GRIK1: variants seen among roughly 807,000 people sequenced by gnomAD.
GRIK1 encodes the protein glutamate receptor ionotropic, kainate 1.
In GRIK1, 69 loss-of-function variants were observed where a neutral mutation model predicts 105.7. The ratio of observed to expected loss-of-function variants is 0.65; its 90% CI spans 0.54 to 0.80. The LOEUF (loss-of-function observed/expected upper bound fraction) is 0.80, where lower values mean the gene tolerates loss of function less well. Among genes scored for constraint, GRIK1 ranks in the 30% least tolerant of loss-of-function variants. The pLI, the probability that GRIK1 is intolerant of heterozygous loss-of-function variation, is 0.00. For missense variants in GRIK1, 1,109 were observed against 1,167.3 expected (o/e 0.95, Z 0.73); for synonymous variants, 438 against 431.3 (o/e 1.02, Z -0.19).
At chr21:29,723,767 G>A (rs956574340) in intron 1 of GRIK1, among the ~76,000 whole-genome samples, 2 of 152,146 alleles carry the variant, frequency 1.3e-5, no homozygotes, top group South Asian at 4.2e-4. Flanking sequence ...AAGTACAGGA[G>A]TACATTTTTA....
chr21:29,901,671 A>C, intron 1 of GRIK1, among the ~76,000 whole-genome samples: 1 of 152,330 alleles, frequency 6.6e-6, no homozygotes, highest in East Asian at 1.9e-4. Context: ...CCAACCAAAA[A>C]AAGTCCAGGA....
intron 7 of GRIK1, among the ~76,000 whole-genome samples, chr21:29,620,817 A>C (rs2061980765): frequency 1.0e-5 from 1 of 97,214 alleles, no homozygotes; most frequent in Non-Finnish European, 1.8e-5. Context: ...ATATATATAT[A>C]TAGTAATAAT....
At chr21:29,674,818 G>T (rs2063234776) in intron 3 of GRIK1, among the ~76,000 whole-genome samples, 1 of 152,104 alleles carries the variant, frequency 6.6e-6, no homozygotes. Flanking sequence ...GTTCCTTATA[G>T]CTGTGTGAAA....
chr21:29,600,812 A>G (rs1189091681), intron 7 of GRIK1, among the ~76,000 whole-genome samples: 2 of 152,186 alleles, frequency 1.3e-5, no homozygotes, highest in Non-Finnish European at 2.9e-5. Context: ...GAGTTTGGCT[A>G]TTACTATCTC....
chr21:29,592,149 G>A (rs924477284), intron 9 of GRIK1, among the ~76,000 whole-genome samples: 6 of 152,170 alleles, frequency 3.9e-5, no homozygotes, highest in Non-Finnish European at 7.4e-5. Flanking sequence ...CTTCTTTGAG[G>A]AGCCAAAGCT....
chr21:29,797,814 TACA>T lies in GRIK1; in HGVS notation c.119-103754_119-103752del, dbSNP rs1209565777. Among the ~76,000 whole-genome samples, 9 of 152,288 alleles carry T rather than the reference TACA, an allele frequency of 5.9e-5. 1 individual carries two copies. The South Asian group carries it at 1.0e-3, about 18-fold the overall frequency. On this transcript the variant is annotated intron_variant, in intron 1 of 17. Transcript: ENST00000327783. ...GCCTAGATTTCTTTTATCAAAAAAG[TACA>T]ACGTTTTCTCCCACTAGATGAGGTT...
chr21:29,859,533 A>G (rs892894770), intron 1 of GRIK1, among the ~76,000 whole-genome samples: 1 of 152,186 alleles, frequency 6.6e-6, no homozygotes, highest in Admixed American at 6.5e-5. Context: ...GAAATTTCCA[A>G]GAAGTACTTG....
intron 7 of GRIK1, among the ~76,000 whole-genome samples, chr21:29,604,892 A>G (rs1049648843): frequency 6.6e-6 from 1 of 152,202 alleles, no homozygotes; most frequent in Non-Finnish European, 1.5e-5. Flanking sequence ...TTATTTGTAT[A>G]TTCTTTCTCA....
chr21:29,688,690 A>G (rs1405874819), intron 3 of GRIK1, among the ~76,000 whole-genome samples: 1 of 152,252 alleles, frequency 6.6e-6, no homozygotes, highest in Non-Finnish European at 1.5e-5. Context: ...TATTTGAAAT[A>G]TAACTTGGGA....
chr21:29,588,638 T>G (rs1601194407), intron 11 of GRIK1, among the ~76,000 whole-genome samples: 1 of 152,206 alleles, frequency 6.6e-6, no homozygotes, highest in African/African-American at 2.4e-5. Context: ...AACAAACTAA[T>G]GCACCATATA....
In GRIK1 at chr21:29,772,433, A is replaced by G. The variant is rs145929746; in HGVS notation, c.119-78370T>C. On this transcript the variant is annotated intron_variant, in intron 1 of 17. Coordinates refer to ENST00000327783, the MANE Select transcript of GRIK1 (RefSeq NM_001330994.2). Reference sequence around the variant, plus strand: ...AAGCTAATTTCTAACTTTCCAATACACTAGTGTAAACCATTTCTTACATAC... The same window carrying G: ...AAGCTAATTTCTAACTTTCCAATACGCTAGTGTAAACCATTTCTTACATAC... 2.0e-5 allele frequency among the ~76,000 whole-genome samples: 3 copies of G among 152,336 alleles called. No individual in the cohort carries two copies. In the South Asian group the frequency reaches 6.2e-4, roughly 32 times the overall value.
intron 1 of GRIK1, among the ~76,000 whole-genome samples, chr21:29,844,034 G>A (rs553250163): frequency 1.7e-4 from 26 of 152,280 alleles, no homozygotes; most frequent in African/African-American, 6.0e-4. Flanking sequence ...GACAGCGTGA[G>A]TTGTACTCAC....
At chr21:29,746,384 A>G (rs1354411898) in intron 1 of GRIK1, among the ~76,000 whole-genome samples, 4 of 152,264 alleles carry the variant, frequency 2.6e-5, no homozygotes, top group Admixed American at 6.5e-5. Context: ...GCAAGGACAA[A>G]TACAGATAGT....
intron 1 of GRIK1, among the ~76,000 whole-genome samples, chr21:29,732,013 G>T (rs973472373): frequency 3.3e-5 from 5 of 152,102 alleles, no homozygotes; most frequent in Non-Finnish European, 5.9e-5. Flanking sequence ...GTTCATATTT[G>T]TTATAATAAG....
At chr21:29,538,929 T>A (rs2089925848) in intron 16 of GRIK1, among the ~76,000 whole-genome samples, 2 of 152,214 alleles carry the variant, frequency 1.3e-5, no homozygotes, top group South Asian at 4.1e-4. Flanking sequence ...GAATTTAGGT[T>A]CTAGGTGTAA....
At chr21:29,934,234 T>C (rs944422832) in intron 1 of GRIK1, among the ~76,000 whole-genome samples, 1 of 152,218 alleles carries the variant, frequency 6.6e-6, no homozygotes, top group African/African-American at 2.4e-5. Flanking sequence ...ACTGATAATA[T>C]CAGTTTTTCT....
intron 1 of GRIK1, among the ~76,000 whole-genome samples, chr21:29,729,446 T>G (rs1281452306): frequency 6.6e-6 from 1 of 152,190 alleles, no homozygotes; most frequent in Non-Finnish European, 1.5e-5. Flanking sequence ...CCACTAGTCA[T>G]GCTGTGGTGT....
chr21:29,848,283 T>C (rs1451162641), intron 1 of GRIK1, among the ~76,000 whole-genome samples: 1 of 152,168 alleles, frequency 6.6e-6, no homozygotes, highest in African/African-American at 2.4e-5. Flanking sequence ...CTATCTGAGC[T>C]GGAATGCCAA....
chr21:29,786,953 C>T (rs751594963), intron 1 of GRIK1, among the ~76,000 whole-genome samples: 1 of 152,138 alleles, frequency 6.6e-6, no homozygotes, highest in East Asian at 1.9e-4. Context: ...GTCACTAAAC[C>T]CTTTCATAGC....
Sources: gnomAD v4.1 joint callset for allele counts (sites outside exome capture counted in the v4.1 genomes callset) on GRCh38, gnomAD v4.1.1 for gene constraint, MANE v1.5 for transcripts, NCBI Gene and HGNC (gene_info 2026-07-23, HGNC 2026-07-21) for gene names.